Variants in NALF1 observed in about 807,000 individuals in gnomAD.
NALF1 encodes NALCN channel auxiliary factor 1.
In NALF1, 3 loss-of-function variants were observed where a neutral mutation model predicts 48.4. That is an observed-to-expected ratio of 0.06 (90% CI 0.03 to 0.16). The LOEUF (loss-of-function observed/expected upper bound fraction) is 0.16. NALF1 is among the 10% of genes least tolerant of loss of function. The probability of loss-of-function intolerance (pLI) is 1.00; values close to 1 mark genes in which losing one functional copy is unlikely to be tolerated. For synonymous variants in NALF1, 262 were observed against 245.7 expected (o/e 1.07, Z -0.62); for missense variants, 526 against 571.5 (o/e 0.92, Z 0.81).
At chr13:107,753,179 T>C (rs1876987728) in intron 1 of NALF1, among the ~76,000 whole-genome samples, 1 of 152,220 alleles carries the variant, frequency 6.6e-6, no homozygotes, top group African/African-American at 2.4e-5. Context: ...GCTTTAGATA[T>C]CTGTCCACTC....
chr13:107,189,915 G>A lies in NALF1; in HGVS notation c.1088-19129C>T, dbSNP rs539357063. 7.9e-5 allele frequency among the ~76,000 whole-genome samples: 12 copies of A among 152,296 alleles called. No homozygotes were observed. In the East Asian group the frequency reaches 1.7e-3, roughly 22 times the overall value. On this transcript the variant is annotated intron_variant, in intron 2 of 2. Transcript: ENST00000375915. ...CTCTCATAGATGTCTGTGTGTCTTC[G>A]TGTTGAGTGCTAGCTACCTCAGCAC...
chr13:107,202,229 C>A (rs954073261), intron 2 of NALF1, among the ~76,000 whole-genome samples: 2 of 151,860 alleles, frequency 1.3e-5, no homozygotes, highest in African/African-American at 4.8e-5. Flanking sequence ...GTTCTGCTTA[C>A]AAATTGGTCT....
intron 1 of NALF1, among the ~76,000 whole-genome samples, chr13:107,794,426 T>C (rs1213435154): frequency 6.6e-6 from 1 of 151,668 alleles, no homozygotes; most frequent in Non-Finnish European, 1.5e-5. Context: ...ATGAGAATGT[T>C]AATGATGACA....
chr13:107,482,451 A>T (rs904404606), intron 1 of NALF1, among the ~76,000 whole-genome samples: 8 of 152,266 alleles, frequency 5.3e-5, no homozygotes, highest in Non-Finnish European at 1.0e-4. Flanking sequence ...GCAATTTATA[A>T]TATGCTTCCA....
intron 1 of NALF1, among the ~76,000 whole-genome samples, chr13:107,682,695 A>C (rs568569521): frequency 6.6e-6 from 1 of 151,986 alleles, no homozygotes; most frequent in South Asian, 2.1e-4. Flanking sequence ...GCTGAACTAC[A>C]AGTTCTGCGA....
At chr13:107,628,057 C>A (rs1459202942) in intron 1 of NALF1, among the ~76,000 whole-genome samples, 2 of 152,126 alleles carry the variant, frequency 1.3e-5, no homozygotes, top group Non-Finnish European at 2.9e-5. Context: ...CAGGTGATCA[C>A]ACAGATCAGA....
At chr13:107,670,224 T>A (rs1311780021) in intron 1 of NALF1, among the ~76,000 whole-genome samples, 1 of 152,112 alleles carries the variant, frequency 6.6e-6, no homozygotes, top group Non-Finnish European at 1.5e-5. Flanking sequence ...AATTTAAATG[T>A]GGTCTTATTG....
chr13:107,313,101 A>G (rs1381006058), intron 1 of NALF1, among the ~76,000 whole-genome samples: 2 of 152,168 alleles, frequency 1.3e-5, no homozygotes, highest in African/African-American at 4.8e-5. Context: ...GGAAGATAAA[A>G]TGGAGAAATC....
chr13:107,548,611 C>T (rs993854147), intron 1 of NALF1, among the ~76,000 whole-genome samples: 2 of 152,006 alleles, frequency 1.3e-5, no homozygotes, highest in African/African-American at 4.8e-5. Context: ...TCCTCCCCCT[C>T]CACAATCTAT....
intron 1 of NALF1, among the ~76,000 whole-genome samples, chr13:107,439,043 G>T (rs1253899027): frequency 2.0e-5 from 3 of 151,648 alleles, no homozygotes; most frequent in Non-Finnish European, 4.4e-5. Flanking sequence ...TTCACACAAC[G>T]CATTAGCTAA....
At chr13:107,173,377 C>T (rs1878844741) in intron 2 of NALF1, among the ~76,000 whole-genome samples, 2 of 152,200 alleles carry the variant, frequency 1.3e-5, no homozygotes, top group African/African-American at 2.4e-5. Context: ...TAATTCTTAG[C>T]TCAACCATGT....
intron 1 of NALF1, among the ~76,000 whole-genome samples, chr13:107,722,753 C>A (rs536518245): frequency 3.3e-5 from 5 of 152,272 alleles, no homozygotes; most frequent in Admixed American, 2.0e-4. Flanking sequence ...TGGAAGTAAT[C>A]AAATGTGACT....
intron 1 of NALF1, among the ~76,000 whole-genome samples, chr13:107,353,742 A>C (rs1224398134): frequency 1.3e-5 from 2 of 152,224 alleles, no homozygotes; most frequent in Admixed American, 6.5e-5. Flanking sequence ...TTATTTCGGC[A>C]GCAACAGAGA....
chr13:107,260,483 G>A (rs939191422), intron 1 of NALF1, among the ~76,000 whole-genome samples: 1 of 152,160 alleles, frequency 6.6e-6, no homozygotes, highest in Non-Finnish European at 1.5e-5. Flanking sequence ...AGTGCAACTC[G>A]CTAGCAGAGT....
intron 1 of NALF1, among the ~76,000 whole-genome samples, chr13:107,296,457 A>G (rs2138887847): frequency 6.6e-6 from 1 of 152,304 alleles, no homozygotes; most frequent in Admixed American, 6.5e-5. Context: ...GTAATATGCT[A>G]CCTGAAAGAT....
intron 1 of NALF1, among the ~76,000 whole-genome samples, chr13:107,298,801 C>T (rs1881777119): frequency 6.6e-6 from 1 of 152,096 alleles, no homozygotes; most frequent in Non-Finnish European, 1.5e-5. Context: ...CAAAAATAGT[C>T]CAGAATTTTT....
intron 1 of NALF1, among the ~76,000 whole-genome samples, chr13:107,302,953 T>A (rs534848044): frequency 1.3e-5 from 2 of 152,212 alleles, no homozygotes; most frequent in Non-Finnish European, 2.9e-5. Context: ...CCGATTTGGC[T>A]TTCAGGCTGT....
At chr13:107,442,196 A>G (rs1013214162) in intron 1 of NALF1, among the ~76,000 whole-genome samples, 2 of 152,108 alleles carry the variant, frequency 1.3e-5, no homozygotes, top group African/African-American at 4.8e-5. Flanking sequence ...AGAGAGAGGG[A>G]GAGCAAGAGA....
intron 1 of NALF1, among the ~76,000 whole-genome samples, chr13:107,468,426 A>G (rs1885043795): frequency 6.6e-6 from 1 of 152,242 alleles, no homozygotes; most frequent in Admixed American, 6.5e-5. Context: ...ACATGGAAGA[A>G]TGAAAGGAAG....
Sources: allele counts gnomAD v4.1 joint callset (sites outside exome capture counted in the v4.1 genomes callset), GRCh38; gene constraint gnomAD v4.1.1; transcripts MANE v1.5; gene names NCBI Gene and HGNC (gene_info 2026-07-23, HGNC 2026-07-21).